The following PPM1H variants were observed in gnomAD, a reference collection of about 807,000 sequenced individuals.
PPM1H encodes protein phosphatase, Mg2+/Mn2+ dependent 1H.
In PPM1H, 27 loss-of-function variants were observed where a neutral mutation model predicts 54.9. The observed-to-expected ratio is 0.49, with a 90% CI of 0.36 to 0.68. The LOEUF is 0.68. Ranked by LOEUF, PPM1H falls within the 30% of genes least tolerant of loss-of-function variation. The pLI, the probability that PPM1H is intolerant of heterozygous loss-of-function variation, is 0.00. For missense variants in PPM1H, 596 were observed against 667.8 expected, an observed-to-expected ratio of 0.89 and a Z score of 1.19; for synonymous variants, 305 against 270.8, an observed-to-expected ratio of 1.13 and a Z score of -1.24.
At chr12:62,659,281 A>G (rs2075867864) in intron 9 of PPM1H, 1 of 502,442 alleles carries the variant, frequency 2.0e-6, no homozygotes, top group Non-Finnish European at 3.6e-6. Context: ...AAAAAAAAAA[A>G]AAAAAAAAAA....
chr12:62,650,724 G>A (rs1009889292), intron 9 of PPM1H, among the ~76,000 whole-genome samples: 2 of 151,194 alleles, frequency 1.3e-5, no homozygotes, highest in African/African-American at 4.9e-5. Context: ...GCGGGAGACA[G>A]TGAGTGAAGG....
intron 1 of PPM1H, among the ~76,000 whole-genome samples, chr12:62,902,723 T>C (rs959608998): frequency 6.6e-6 from 1 of 152,240 alleles, no homozygotes; most frequent in Admixed American, 6.5e-5. Context: ...ATAATACATG[T>C]ATAACCCTTG....
In PPM1H at chr12:62,828,098, A is replaced by G. The variant is rs529035460; in HGVS notation, c.411+4016T>C. ...GATGTTTTCTTGCCCTAAGCCCTGT[A>G]CTATCACCATCCTTTCCTAAGTGCT... On this transcript the variant is annotated intron_variant, in intron 2 of 9. Coordinates refer to ENST00000228705, the MANE Select transcript of PPM1H (RefSeq NM_020700.2). Among the ~76,000 whole-genome samples the G allele has an allele frequency of 3.3e-5, 5 of 152,272 alleles. 1 individual carries two copies. Among genetic ancestry groups the G allele is most frequent in the African/African-American group, 1.2e-4 (5 of 41,562 alleles).
At chr12:62,932,627 G>GGTTTTTTTTTTT (rs1229452777) in intron 1 of PPM1H, among the ~76,000 whole-genome samples, 1 of 22,540 alleles carries the variant, frequency 4.4e-5, no homozygotes, top group Non-Finnish European at 1.2e-4. Flanking sequence ...GTCCAAATGG[G>GGTTTTTTTTTTT]CTTTTTTTTT....
chr12:62,769,852 G>A (rs2076567772), intron 4 of PPM1H, among the ~76,000 whole-genome samples: 2 of 152,206 alleles, frequency 1.3e-5, no homozygotes, highest in South Asian at 4.1e-4. Flanking sequence ...CGAAAAGTGG[G>A]CTGGAGGGGA....
At chr12:62,728,135 A>G (rs185107207) in intron 5 of PPM1H, among the ~76,000 whole-genome samples, 28 of 152,352 alleles carry the variant, frequency 1.8e-4, no homozygotes, top group African/African-American at 6.7e-4. Flanking sequence ...GTGTGCCACA[A>G]ATATCACCTG....
chr12:62,910,849 C>G (rs772558), intron 1 of PPM1H, among the ~76,000 whole-genome samples: 93,219 of 152,096 alleles, frequency 0.61, 29,223 homozygotes, highest in Non-Finnish European at 0.68. Flanking sequence ...AGCAGCTGCC[C>G]GCAAGGAAGC....
At chr12:62,886,744 G>A (rs1432555200) in intron 1 of PPM1H, among the ~76,000 whole-genome samples, 2 of 152,188 alleles carry the variant, frequency 1.3e-5, no homozygotes, top group Non-Finnish European at 2.9e-5. Context: ...TTAAATAGTT[G>A]TCACATACAG....
chr12:62,860,312 A>G (rs190998862), intron 1 of PPM1H, among the ~76,000 whole-genome samples: 17 of 152,236 alleles, frequency 1.1e-4, no homozygotes, highest in Admixed American at 9.8e-4. Flanking sequence ...CTCATGACAC[A>G]TGGGGATTAT....
At chr12:62,840,082 A>AGG (rs944188047) in intron 1 of PPM1H, 1 of 125,234 alleles carries the variant, frequency 8.0e-6, no homozygotes, top group African/African-American at 4.0e-5. Context: ...AGAGAGAGAG[A>AGG]GAGCGAGAGA....
At chr12:62,792,393 A>G (rs148399146) in intron 3 of PPM1H, among the ~76,000 whole-genome samples, 6 of 152,306 alleles carry the variant, frequency 3.9e-5, no homozygotes, top group African/African-American at 1.2e-4. Context: ...CTCCCCCTGA[A>G]TAAGGAATGC....
intron 1 of PPM1H, among the ~76,000 whole-genome samples, chr12:62,916,636 G>C (rs1260238122): frequency 6.7e-6 from 1 of 150,328 alleles, no homozygotes; most frequent in Non-Finnish European, 1.5e-5. Context: ...TTTTTTTTTG[G>C]TGACAAAAAA....
intron 1 of PPM1H, among the ~76,000 whole-genome samples, chr12:62,876,652 C>T (rs1171535454): frequency 6.6e-6 from 1 of 152,152 alleles, no homozygotes; most frequent in East Asian, 1.9e-4. Context: ...GTAGAACTGG[C>T]CCCAAGAGCG....
At chr12:62,820,196 G>A (rs75297928) in intron 2 of PPM1H, among the ~76,000 whole-genome samples, 10,295 of 152,316 alleles carry the variant, frequency 0.068, 454 homozygotes, top group Middle Eastern at 0.12. Flanking sequence ...AGCCTAGTAG[G>A]GGGAGAGGCG....
At chr12:62,860,070 T>A (rs1869541375) in intron 1 of PPM1H, among the ~76,000 whole-genome samples, 1 of 151,996 alleles carries the variant, frequency 6.6e-6, no homozygotes, top group Admixed American at 6.6e-5. Context: ...AAAAAACAGG[T>A]TTAATTGACT....
chr12:62,777,403 A>C (rs2076617420), intron 4 of PPM1H, among the ~76,000 whole-genome samples: 1 of 152,220 alleles, frequency 6.6e-6, no homozygotes, highest in Non-Finnish European at 1.5e-5. Flanking sequence ...ACTTCACGGT[A>C]GCTTCCCCAG....
intron 4 of PPM1H, among the ~76,000 whole-genome samples, chr12:62,773,658 TGA>T (rs1469493618): frequency 1.3e-5 from 2 of 151,808 alleles, no homozygotes; most frequent in Non-Finnish European, 1.5e-5. Context: ...CTTTGAAGAG[TGA>T]GAGAGGCAAC....
chr12:62,789,245 C>G (rs1273141647), intron 3 of PPM1H, among the ~76,000 whole-genome samples: 3 of 152,138 alleles, frequency 2.0e-5, no homozygotes, highest in Non-Finnish European at 2.9e-5. Flanking sequence ...AAACTCTTGG[C>G]CTCAAACAAT....
At chr12:62,754,698 AC>A (rs2076460583) in intron 4 of PPM1H, among the ~76,000 whole-genome samples, 2 of 152,172 alleles carry the variant, frequency 1.3e-5, no homozygotes, top group Admixed American at 6.5e-5. Context: ...TCTCTCCCAA[AC>A]CCCTTCCTTG....
Sources: allele counts gnomAD v4.1 joint callset (sites outside exome capture counted in the v4.1 genomes callset), GRCh38; gene constraint gnomAD v4.1.1; transcripts MANE v1.5; gene names NCBI Gene and HGNC (gene_info 2026-07-23, HGNC 2026-07-21).